MYO1B: variants seen among roughly 807,000 people sequenced by gnomAD.
MYO1B encodes myosin IB.
In MYO1B, 72 loss-of-function variants were observed where a neutral mutation model predicts 159.7. The ratio of observed to expected loss-of-function variants is 0.45; its 90% confidence interval spans 0.37 to 0.55. MYO1B has a LOEUF of 0.55. Ranked by LOEUF, MYO1B falls within the 20% of genes least tolerant of loss-of-function variation. The pLI is 0.00. For synonymous variants in MYO1B, 468 were observed against 473.8 expected, an observed-to-expected ratio of 0.99 and a Z score of 0.16; for missense variants, 1,062 against 1,364.8, an observed-to-expected ratio of 0.78 and a Z score of 3.50.
At chr2:191,356,272 A>G (rs1693274560) in intron 7 of MYO1B, among the ~76,000 whole-genome samples, 1 of 150,926 alleles carries the variant, frequency 6.6e-6, no homozygotes, top group African/African-American at 2.4e-5. Flanking sequence ...CTGCCTTTTT[A>G]GGGTCACAAA....
intron 3 of MYO1B, among the ~76,000 whole-genome samples, chr2:191,301,877 C>T (rs1174835921): frequency 6.6e-6 from 1 of 152,214 alleles, no homozygotes; most frequent in East Asian, 1.9e-4. Context: ...ACAGATGGAT[C>T]TTCTAAAATC....
At chr2:191,368,660 A>C (rs1694165689) in intron 11 of MYO1B, among the ~76,000 whole-genome samples, 1 of 152,150 alleles carries the variant, frequency 6.6e-6, no homozygotes, top group Admixed American at 6.5e-5. Flanking sequence ...TCATTGTGGA[A>C]GTTTTTTTAA....
At chr2:191,385,242 A>C (rs1317581560) in intron 15 of MYO1B, among the ~76,000 whole-genome samples, 1 of 152,208 alleles carries the variant, frequency 6.6e-6, no homozygotes, top group Non-Finnish European at 1.5e-5. Context: ...ATAAATTTTC[A>C]CTTATGTTTA....
intron 3 of MYO1B, among the ~76,000 whole-genome samples, chr2:191,298,857 C>G (rs1689140220): frequency 6.6e-6 from 1 of 152,086 alleles, no homozygotes. Context: ...GGGAGTGGAG[C>G]CGGGGTATTA....
Position 191,409,035 on chromosome 2 carries a change from C to T in MYO1B, c.2632-9C>T. 5 of 1,604,916 alleles carry T rather than the reference C, an allele frequency of 3.1e-6. No homozygotes were observed. Among genetic ancestry groups the T allele is most frequent in the Non-Finnish European group, 3.4e-6 (4 of 1,177,408 alleles). On this transcript the variant is annotated splice_polypyrimidine_tract_variant and intron_variant, in intron 25 of 30. Transcript: ENST00000392318. Reference sequence around the variant, plus strand: ...TCCTCATGTAGTATTTTCTGTCAACCCAACACAGGTGCAAAAATACTTCTT... The same window carrying T: ...TCCTCATGTAGTATTTTCTGTCAACTCAACACAGGTGCAAAAATACTTCTT...
At chr2:191,414,454 C>T (rs1316948633) in intron 28 of MYO1B, 63 bp from the exon 29 acceptor site, 1 of 1,472,578 alleles carries the variant, frequency 6.8e-7, no homozygotes, top group Non-Finnish European at 9.1e-7. Context: ...ATGCCTTAAA[C>T]TCATGGACCA....
intron 11 of MYO1B, among the ~76,000 whole-genome samples, chr2:191,366,599 G>T (rs1009390837): frequency 2.6e-5 from 4 of 151,970 alleles, no homozygotes; most frequent in African/African-American, 7.3e-5. Flanking sequence ...TGAAATAATA[G>T]AAACTCAAGA....
intron 2 of MYO1B, among the ~76,000 whole-genome samples, chr2:191,278,896 C>T (rs564188699): frequency 5.3e-5 from 8 of 152,082 alleles, no homozygotes; most frequent in African/African-American, 9.7e-5. Flanking sequence ...CTAACGTTAC[C>T]GATCATTTTT....
chr2:191,283,548 T>C (rs1688188519), intron 2 of MYO1B, among the ~76,000 whole-genome samples: 1 of 152,258 alleles, frequency 6.6e-6, no homozygotes. Context: ...CTAAGCACTT[T>C]ACATGTATTA....
intron 13 of MYO1B, among the ~76,000 whole-genome samples, chr2:191,374,687 A>T (rs553448016): frequency 6.6e-6 from 1 of 152,242 alleles, no homozygotes; most frequent in African/African-American, 2.4e-5. Flanking sequence ...TCAGTAGAAC[A>T]TTGATACCAA....
chr2:191,263,754 G>GA (rs1686959038), intron 1 of MYO1B: 1 of 152,228 alleles, frequency 6.6e-6, no homozygotes, highest in Non-Finnish European at 1.5e-5. Context: ...TATTCAAGGA[G>GA]AAAAAACTGT....
At chr2:191,383,634 A>G (rs111463116) in intron 15 of MYO1B, among the ~76,000 whole-genome samples, 21 of 151,522 alleles carry the variant, frequency 1.4e-4, no homozygotes, top group African/African-American at 5.1e-4. Context: ...ACACATACAT[A>G]GACAGCTGGA....
At chr2:191,407,884 A>G (rs1697025143) in intron 24 of MYO1B, 1 of 337,238 alleles carries the variant, frequency 3.0e-6, no homozygotes, top group African/African-American at 2.1e-5. Context: ...AAAACTACTA[A>G]GAGGATTTAA....
chr2:191,410,630 A>G (rs565920946), intron 26 of MYO1B, among the ~76,000 whole-genome samples: 6 of 152,324 alleles, frequency 3.9e-5, no homozygotes, highest in Admixed American at 6.5e-5. Context: ...TGTACAATAT[A>G]TAGAAAGGAT....
intron 1 of MYO1B, among the ~76,000 whole-genome samples, chr2:191,247,495 A>G (rs1685860495): frequency 6.6e-6 from 1 of 152,160 alleles, no homozygotes; most frequent in Admixed American, 6.5e-5. Flanking sequence ...CAGGCTGAAA[A>G]GCACTGGGAG....
At chr2:191,293,513 A>G (rs536236174) in intron 2 of MYO1B, among the ~76,000 whole-genome samples, 8 of 152,186 alleles carry the variant, frequency 5.3e-5, no homozygotes, top group Non-Finnish European at 1.2e-4. Flanking sequence ...ATCCATTTTT[A>G]TGGTTATTTC....
chr2:191,341,928 A>T (rs1157847953), intron 5 of MYO1B, among the ~76,000 whole-genome samples: 1 of 151,912 alleles, frequency 6.6e-6, no homozygotes, highest in Non-Finnish European at 1.5e-5. Context: ...GTTGTTAGAG[A>T]AATGAGGGCT....
chr2:191,300,885 G>A (rs1291279872), intron 3 of MYO1B, among the ~76,000 whole-genome samples: 1 of 151,904 alleles, frequency 6.6e-6, no homozygotes, highest in Non-Finnish European at 1.5e-5. Flanking sequence ...TTAAATTTTA[G>A]GTAATTAAAA....
At chr2:191,413,994 A>T in intron 27 of MYO1B, 54 bp from the exon 28 acceptor site, 3 of 1,536,334 alleles carry the variant, frequency 2.0e-6, no homozygotes, top group Admixed American at 2.2e-5. Flanking sequence ...TCCTTTTTTT[A>T]GTGGTACTTT....
Sources: allele counts gnomAD v4.1 joint callset (sites outside exome capture counted in the v4.1 genomes callset), GRCh38; gene constraint gnomAD v4.1.1; transcripts MANE v1.5; gene names NCBI Gene and HGNC (gene_info 2026-07-23, HGNC 2026-07-21).